STK24: variants seen among roughly 807,000 people sequenced by gnomAD.
STK24 encodes the protein serine/threonine kinase 24, also known as serine/threonine-protein kinase 24.
In STK24, 21 loss-of-function variants were observed where a neutral mutation model predicts 55.6. That is an observed-to-expected ratio of 0.38 (90% CI 0.27 to 0.54). The LOEUF (loss-of-function observed/expected upper bound fraction) is 0.54, where lower values mean the gene tolerates loss of function less well. Ranked by LOEUF, STK24 falls within the 20% of genes least tolerant of loss-of-function variation. STK24 has a pLI of 0.79. For synonymous variants in STK24, 200 were observed against 215.2 expected (o/e 0.93, Z 0.62); for missense variants, 383 against 538.4 (o/e 0.71, Z 2.86).
At chr13:98,576,282 G>A in intron 1 of STK24, 1 of 942,470 alleles carries the variant, frequency 1.1e-6, no homozygotes, top group Non-Finnish European at 1.3e-6. Context: ...CCCTGCCCAG[G>A]TCTCCCGCCC....
intron 1 of STK24, among the ~76,000 whole-genome samples, chr13:98,524,137 C>T (rs1358117649): frequency 2.0e-5 from 3 of 152,148 alleles, no homozygotes; most frequent in Non-Finnish European, 4.4e-5. Context: ...AAGAGCATCT[C>T]TTGCATGTGT....
chr13:98,447,823 T>C lies in STK24; in HGVS notation c.*5350A>G, dbSNP rs1165773168. ...CTGCACCACTGAACTCCAGTATGAG[T>C]GACAGAGCCAGACCCTGTCTCAAAA... On this transcript the variant is annotated 3_prime_UTR_variant, in exon 11 of 11. Coordinates refer to ENST00000539966, the MANE Select transcript of STK24 (RefSeq NM_001032296.4). 5.6e-6 allele frequency: 1 copy of C among 177,244 alleles called. No individual in the cohort carries two copies. The highest frequency in any genetic ancestry group is 1.2e-5 in the Non-Finnish European group (1 of 85,020). 11.0% of individuals were successfully genotyped at this position (177,244 alleles called of 1,614,324 possible). A position where few individuals can be genotyped will look rare whatever the true frequency, so the allele number is the denominator to read the frequency against.
chr13:98,529,602 C>T (rs556764391), intron 1 of STK24, among the ~76,000 whole-genome samples: 5 of 152,236 alleles, frequency 3.3e-5, no homozygotes, highest in South Asian at 2.1e-4. Flanking sequence ...CAGTATGAGT[C>T]CCTTTATAGA....
chr13:98,567,973 C>T (rs911596250), intron 1 of STK24, among the ~76,000 whole-genome samples: 15 of 147,974 alleles, frequency 1.0e-4, no homozygotes, highest in Admixed American at 6.7e-4. Context: ...AGGAAGACAA[C>T]GCTAAACCGG....
Position 98,460,262 on chromosome 13 carries a change from C to T in STK24, c.1122+110G>A, listed in dbSNP as rs941906835. On this transcript the variant is annotated intron_variant, in intron 9 of 10. Transcript: ENST00000539966. The stretch of plus-strand genomic sequence containing the variant: ...CCATGCAGGCTTTCCGAGCCTTTGC[C>T]AGCTTGTCTTAATGTCCCCAACTCT... 3.3e-4 allele frequency: 346 copies of T among 1,057,842 alleles called. 2 individuals carry two copies. The highest frequency in any genetic ancestry group is 6.4e-4 in the Admixed American group (30 of 46,898). The allele number at this position is 1,057,842 out of a possible 1,614,324, so 65.5% of individuals were successfully genotyped here. A position where few individuals can be genotyped will look rare whatever the true frequency, so the allele number is the denominator to read the frequency against.
At chr13:98,529,159 G>T (rs117825463) in intron 1 of STK24, among the ~76,000 whole-genome samples, 1 of 152,040 alleles carries the variant, frequency 6.6e-6, no homozygotes, top group South Asian at 2.1e-4. Context: ...TTCCATACCC[G>T]CCGTCTCCCT....
chr13:98,576,326 C>A, intron 1 of STK24: 4 of 690,274 alleles, frequency 5.8e-6, no homozygotes, highest in Non-Finnish European at 7.2e-6. Context: ...GCCTGGGGGA[C>A]GCGTCCTGGG....
intron 1 of STK24, among the ~76,000 whole-genome samples, chr13:98,549,198 T>C (rs1439681660): frequency 1.3e-5 from 2 of 152,234 alleles, no homozygotes; most frequent in African/African-American, 4.8e-5. Context: ...CCTAAATACT[T>C]CTGTCTTAGT....
At position 98,446,188 on chromosome 13, in the gene STK24, T is replaced by TTCTACAAATCACACCAG; in HGVS notation, c.*6968_*6984dup. 6.2e-7 allele frequency: 1 copy of TTCTACAAATCACACCAG among 1,612,860 alleles called. No homozygotes were observed. Among genetic ancestry groups the TTCTACAAATCACACCAG allele is most frequent in the Non-Finnish European group, 8.5e-7 (1 of 1,178,912 alleles). On this transcript the variant is annotated 3_prime_UTR_variant, in exon 11 of 11. Transcript: ENST00000539966. ...GGTGTTCACAAACTTCTGCCTGTTCTTCTACAAATCACACCAGGTAAGTGT... is the reference window on the plus strand; with the variant it reads ...GGTGTTCACAAACTTCTGCCTGTTCTTCTACAAATCACACCAGTCTACAAATCACACCAGGTAAGTGT...
At chr13:98,480,319 A>T (rs951288037) in intron 3 of STK24, among the ~76,000 whole-genome samples, 1 of 152,238 alleles carries the variant, frequency 6.6e-6, no homozygotes, top group Non-Finnish European at 1.5e-5. Context: ...CTTCTGAAGG[A>T]CTTAATGTTG....
At chr13:98,543,710 G>T (rs926704509) in intron 1 of STK24, among the ~76,000 whole-genome samples, 1 of 152,124 alleles carries the variant, frequency 6.6e-6, no homozygotes, top group Non-Finnish European at 1.5e-5. Context: ...ATGGTAGGAC[G>T]CAGGACACCC....
In STK24 at chr13:98,445,902, G is replaced by A. The variant is rs1418506355; in HGVS notation, c.*7271C>T. 1.3e-5 allele frequency: 7 copies of A among 538,680 alleles called. No homozygotes were observed. The highest frequency in any genetic ancestry group is 2.0e-5 in the Non-Finnish European group (6 of 301,410). 33.4% of individuals were successfully genotyped at this position (538,680 alleles called of 1,614,324 possible). A position where few individuals can be genotyped will look rare whatever the true frequency, so the allele number is the denominator to read the frequency against. On this transcript the variant is annotated 3_prime_UTR_variant, in exon 11 of 11. Transcript: ENST00000539966. ...GGGACCCCAAGATGCCCCACAGCAA[G>A]TGACAAGGGGAAGTGATGAGATCAG...
intron 1 of STK24, among the ~76,000 whole-genome samples, chr13:98,569,255 C>T (rs1897670617): frequency 6.6e-6 from 1 of 152,016 alleles, no homozygotes; most frequent in Admixed American, 6.6e-5. Flanking sequence ...AATGAATGTC[C>T]ACCCTGCAAT....
intron 1 of STK24, among the ~76,000 whole-genome samples, chr13:98,530,351 T>C (rs1391842711): frequency 6.6e-6 from 1 of 152,186 alleles, no homozygotes; most frequent in East Asian, 1.9e-4. Context: ...CTCCTGGCCT[T>C]CTCAGTGTCA....
In STK24 at chr13:98,548,578, A is replaced by T. The variant is rs573884141; in HGVS notation, c.42+28167T>A. Among the ~76,000 whole-genome samples the T allele has an allele frequency of 5.9e-5, 9 of 152,134 alleles. No individual in the cohort carries two copies. In the South Asian group the frequency reaches 1.9e-3, roughly 32 times the overall value. ...ATCTTTCTACATGAAAATAGAACAA[A>T]TGGCTGGGCACGGTGGCTCACACCT... On this transcript the variant is annotated intron_variant, in intron 1 of 10. Coordinates refer to ENST00000539966, the MANE Select transcript of STK24 (RefSeq NM_001032296.4).
intron 2 of STK24, among the ~76,000 whole-genome samples, chr13:98,512,378 AAC>A (rs1895912253): frequency 6.6e-6 from 1 of 152,176 alleles, no homozygotes; most frequent in Non-Finnish European, 1.5e-5. Flanking sequence ...CCATAAATAG[AAC>A]AGAGAGAAAG....
chr13:98,508,418 A>G (rs1469253917), intron 2 of STK24, among the ~76,000 whole-genome samples: 1 of 152,240 alleles, frequency 6.6e-6, no homozygotes, highest in Admixed American at 6.5e-5. Flanking sequence ...AATGTATGTT[A>G]ATAAACAGCA....
At chr13:98,544,594 C>T (rs1193977196) in intron 1 of STK24, among the ~76,000 whole-genome samples, 2 of 152,220 alleles carry the variant, frequency 1.3e-5, no homozygotes, top group Non-Finnish European at 2.9e-5. Context: ...TGCTCCCCAC[C>T]CTCCAAGCCG....
intron 9 of STK24, among the ~76,000 whole-genome samples, chr13:98,459,159 G>A (rs1893593474): frequency 6.6e-6 from 1 of 152,196 alleles, no homozygotes; most frequent in Non-Finnish European, 1.5e-5. Flanking sequence ...GGCCGCAGGA[G>A]CACAGCCTGG....
Sources: allele counts gnomAD v4.1 joint callset (sites outside exome capture counted in the v4.1 genomes callset), GRCh38; gene constraint gnomAD v4.1.1; transcripts MANE v1.5; gene names NCBI Gene and HGNC (gene_info 2026-07-23, HGNC 2026-07-21).